CLUL1: variants seen among roughly 807,000 people sequenced by gnomAD.
CLUL1 encodes the protein clusterin like 1.
A neutral mutation model predicts 49.4 loss-of-function variants in CLUL1; 43 were observed. The ratio of observed to expected loss-of-function variants is 0.87; its 90% CI spans 0.68 to 1.12. The LOEUF is 1.12. CLUL1 is among the 50% of genes most tolerant of loss of function. The pLI is 0.00. For missense variants in CLUL1, 486 were observed against 544.4 expected (o/e 0.89, Z 1.07); for synonymous variants, 192 against 184.9 (o/e 1.04, Z -0.31).
intron 5 of CLUL1, among the ~76,000 whole-genome samples, chr18:625,518 A>AACACACACACACACAC (rs3221054): frequency 4.1e-5 from 6 of 144,722 alleles, no homozygotes; most frequent in South Asian, 2.3e-4. Context: ...CCTTATGCAT[A>AACACACACACACACAC]ACACACACAC....
intron 8 of CLUL1, among the ~76,000 whole-genome samples, chr18:644,012 A>G (rs772802553): frequency 3.9e-5 from 6 of 152,252 alleles, no homozygotes; most frequent in Non-Finnish European, 7.3e-5. Context: ...TTCACCATGT[A>G]AAGAAAAGTA....
At chr18:616,430 A>G (rs2073294894) in intron 2 of CLUL1, among the ~76,000 whole-genome samples, 1 of 152,230 alleles carries the variant, frequency 6.6e-6, no homozygotes, top group South Asian at 2.1e-4. Context: ...TTGCTTACAT[A>G]GGAAACTACA....
chr18:603,102 G>T (rs1213962237), intron 1 of CLUL1, among the ~76,000 whole-genome samples: 2 of 152,128 alleles, frequency 1.3e-5, no homozygotes, highest in Non-Finnish European at 2.9e-5. Flanking sequence ...TTAAGTATGG[G>T]TATACCATGA....
chr18:626,937 AG>A (rs1567966748), intron 5 of CLUL1, among the ~76,000 whole-genome samples, 159 bp from the exon 6 acceptor site: 302 of 1,572 alleles, frequency 0.19, 103 homozygotes, highest in South Asian at 0.75. Context: ...GAAGGAAAGA[AG>A]GAAAGAAGGA....
chr18:601,265 A>C (rs2072821883), intron 1 of CLUL1, among the ~76,000 whole-genome samples: 1 of 152,080 alleles, frequency 6.6e-6, no homozygotes, highest in Non-Finnish European at 1.5e-5. Context: ...ACTTCTGGAG[A>C]TATTAGCCTG....
intron 2 of CLUL1, among the ~76,000 whole-genome samples, chr18:614,063 A>G (rs1218167137): frequency 6.6e-6 from 1 of 152,228 alleles, no homozygotes; most frequent in Non-Finnish European, 1.5e-5. Context: ...CCAAGTGGAC[A>G]GGACCATGAG....
At chr18:632,985 C>T (rs542663843) in intron 6 of CLUL1, among the ~76,000 whole-genome samples, 2 of 152,088 alleles carry the variant, frequency 1.3e-5, no homozygotes, top group Non-Finnish European at 2.9e-5. Flanking sequence ...GGCGCAACCC[C>T]ATCTCTACTA....
intron 2 of CLUL1, among the ~76,000 whole-genome samples, chr18:611,913 C>A (rs1194260471): frequency 6.6e-6 from 1 of 152,140 alleles, no homozygotes; most frequent in Non-Finnish European, 1.5e-5. Context: ...GCCCCCACTA[C>A]ACTCTGCCCC....
chr18:641,613 T>C lies in CLUL1; in HGVS notation c.1209+72T>C. ...CTTGATTTCACTGTTAATTTACTTA[T>C]GAATTGTGTCTGAATTTGAAAACAA... is the stretch of plus-strand genomic sequence containing the variant. On this transcript the variant is annotated intron_variant, in intron 8 of 9. Transcript: ENST00000692774. 4 of 1,286,538 alleles carry C rather than the reference T, an allele frequency of 3.1e-6. No homozygotes were observed. The South Asian group carries it at 5.2e-5, about 17-fold the overall frequency. 79.7% of individuals were successfully genotyped at this position (1,286,538 alleles called of 1,614,324 possible).
At chr18:628,058 C>T (rs548197343) in intron 6 of CLUL1, among the ~76,000 whole-genome samples, 1 of 152,342 alleles carries the variant, frequency 6.6e-6, no homozygotes, top group African/African-American at 2.4e-5. Flanking sequence ...AACTCCCGAC[C>T]TCAGGTGATC....
At chr18:610,285 A>T (rs2073096045) in intron 2 of CLUL1, among the ~76,000 whole-genome samples, 1 of 152,064 alleles carries the variant, frequency 6.6e-6, no homozygotes, top group Non-Finnish European at 1.5e-5. Flanking sequence ...CACTTCGAAG[A>T]CTCAATAGTC....
intron 2 of CLUL1, among the ~76,000 whole-genome samples, chr18:607,880 C>T (rs1047037086): frequency 5.9e-5 from 9 of 152,162 alleles, no homozygotes; most frequent in Non-Finnish European, 1.2e-4. Context: ...AAAACTTCTT[C>T]TGTGCCATTT....
chr18:645,810 A>AAAAT lies in CLUL1; in HGVS notation c.1397+714_1397+715insAATA, dbSNP rs1451607900. Among the ~76,000 whole-genome samples, 159 of 29,812 alleles carry AAAAT rather than the reference A, an allele frequency of 5.3e-3. 4 individuals carry two copies. The highest frequency in any genetic ancestry group is 0.045 in the Middle Eastern group (2 of 44). 19.6% of individuals were successfully genotyped at this position (29,812 alleles called of 152,430 possible). A position where few individuals can be genotyped will look rare whatever the true frequency, so the allele number is the denominator to read the frequency against. On this transcript the variant is annotated intron_variant, in intron 9 of 9. Coordinates refer to ENST00000692774, the MANE Select transcript of CLUL1 (RefSeq NM_001393344.1). ...CTCTGTTTAAAAAAAAAAAAAAAAAAATATATATATATATATATATATATA... is the reference window on the plus strand; with the variant it reads ...CTCTGTTTAAAAAAAAAAAAAAAAAAAAATATATATATATATATATATATATATA...
At chr18:603,286 G>A (rs2072880801) in intron 1 of CLUL1, among the ~76,000 whole-genome samples, 1 of 152,064 alleles carries the variant, frequency 6.6e-6, no homozygotes, top group African/African-American at 2.4e-5. Context: ...AGTTTAAGAA[G>A]CATTGGTTTA....
At chr18:611,439 G>A (rs557917173) in intron 2 of CLUL1, among the ~76,000 whole-genome samples, 88 of 151,988 alleles carry the variant, frequency 5.8e-4, no homozygotes, top group Middle Eastern at 3.4e-3. Context: ...TGGCTCCAGC[G>A]TGTCATCCCA....
intron 9 of CLUL1, among the ~76,000 whole-genome samples, chr18:645,741 C>T (rs1366394379): frequency 4.5e-5 from 6 of 133,158 alleles, no homozygotes; most frequent in Admixed American, 1.7e-4. Flanking sequence ...TTGCAGTGAG[C>T]AGAGATCGCG....
At chr18:649,059 G>A (rs2074600153) in intron 9 of CLUL1, among the ~76,000 whole-genome samples, 2 of 152,078 alleles carry the variant, frequency 1.3e-5, no homozygotes, top group Non-Finnish European at 2.9e-5. Flanking sequence ...CATTTTCCAA[G>A]TTTGTTTACT....
chr18:644,770 T>C (rs1405277179), intron 8 of CLUL1, 140 bp from the exon 9 acceptor site: 2 of 543,928 alleles, frequency 3.7e-6, no homozygotes, highest in Non-Finnish European at 6.4e-6. Flanking sequence ...TAAATCTTTG[T>C]TGCATGAAGC....
chr18:645,058 C>G lies in CLUL1; in HGVS notation c.1358C>G (p.Ala453Gly). 1 of 1,610,222 alleles carries G rather than the reference C, an allele frequency of 6.2e-7. No homozygotes were observed. Among genetic ancestry groups the G allele is most frequent in the Non-Finnish European group, 8.5e-7 (1 of 1,178,428 alleles). The change falls in exon 9 of 10, where the codon GCA becomes GGA. Residue 453 changes from alanine (A) to glycine (G), a missense_variant. Physicochemically the swap from Ala to Gly is moderately conservative, Grantham distance 60. Transcript: ENST00000692774. Reference protein sequence around the residue: ...ESSNFIGYVVAKALQHFKEHF... With the variant: ...ESSNFIGYVVGKALQHFKEHF... ...TCTAACTTCATTGGCTACGTAGTGG[C>G]AAAAGCTCTACAGCATTTTAAGGAA...
Sources: allele counts gnomAD v4.1 joint callset (sites outside exome capture counted in the v4.1 genomes callset), GRCh38; gene constraint gnomAD v4.1.1; transcripts MANE v1.5; gene names NCBI Gene and HGNC (gene_info 2026-07-23, HGNC 2026-07-21).